GSTCD: variants seen among roughly 807,000 people sequenced by gnomAD.
The protein encoded by GSTCD is glutathione S-transferase C-terminal domain containing.
Under a neutral mutation model 68.3 loss-of-function variants are expected in GSTCD, and 44 were observed. That is an observed-to-expected ratio of 0.64 (90% CI 0.51 to 0.83). The LOEUF is 0.83. GSTCD is among the 40% of genes least tolerant of loss of function. The pLI is 0.00. For synonymous variants in GSTCD, 273 were observed against 255.2 expected (o/e 1.07, Z -0.67); for missense variants, 739 against 735.9 (o/e 1.00, Z -0.05).
chr4:105,797,855 A>G (rs1349199825), intron 5 of GSTCD, among the ~76,000 whole-genome samples: 1 of 144,212 alleles, frequency 6.9e-6, no homozygotes, highest in Non-Finnish European at 1.5e-5. Flanking sequence ...GCTCACTGCA[A>G]CCTCCGCCTG....
At chr4:105,803,212 A>T (rs1736174699) in intron 5 of GSTCD, among the ~76,000 whole-genome samples, 1 of 152,032 alleles carries the variant, frequency 6.6e-6, no homozygotes, top group Non-Finnish European at 1.5e-5. Flanking sequence ...AAAAGCTCCC[A>T]TTTGGTTTTT....
intron 5 of GSTCD, among the ~76,000 whole-genome samples, chr4:105,820,838 T>A (rs1035612717): frequency 1.3e-5 from 2 of 150,386 alleles, no homozygotes; most frequent in African/African-American, 4.9e-5. Context: ...CAGCATTTGC[T>A]TTTGAAACAG....
intron 5 of GSTCD, among the ~76,000 whole-genome samples, chr4:105,803,545 G>T (rs949375925): frequency 2.0e-5 from 3 of 151,850 alleles, no homozygotes; most frequent in Non-Finnish European, 4.4e-5. Flanking sequence ...TTTAAAGAAG[G>T]CTAGGAAACA....
At chr4:105,787,652 T>C (rs1405479760) in intron 5 of GSTCD, among the ~76,000 whole-genome samples, 2 of 151,972 alleles carry the variant, frequency 1.3e-5, no homozygotes, top group African/African-American at 2.4e-5. Flanking sequence ...TCTCAGAGTC[T>C]GAGAATAAAT....
At chr4:105,742,381 T>C (rs1733658116) in intron 5 of GSTCD, among the ~76,000 whole-genome samples, 1 of 152,228 alleles carries the variant, frequency 6.6e-6, no homozygotes, top group African/African-American at 2.4e-5. Context: ...ATTATACTTG[T>C]CTTTTAAGGA....
At position 105,845,710 on chromosome 4, in the gene GSTCD, A is replaced by T. The variant is rs1724522286; in HGVS notation, c.*133A>T. On this transcript the variant is annotated 3_prime_UTR_variant, in exon 12 of 12. Coordinates refer to ENST00000515279, the MANE Select transcript of GSTCD (RefSeq NM_001370181.1). The stretch of plus-strand genomic sequence containing the variant: ...CCTATTGTGCTCAGGAAGGAAAGCA[A>T]CAGGGAAATCTTGGAAGTAAAGGCT... 1.1e-6 allele frequency: 1 copy of T among 894,528 alleles called. No homozygotes were observed. The highest frequency in any genetic ancestry group is 1.7e-5 in the African/African-American group (1 of 60,032). 55.4% of individuals were successfully genotyped at this position (894,528 alleles called of 1,614,324 possible). A position where few individuals can be genotyped will look rare whatever the true frequency, so the allele number is the denominator to read the frequency against.
intron 5 of GSTCD, among the ~76,000 whole-genome samples, chr4:105,747,733 TA>T (rs1733853248): frequency 6.6e-6 from 1 of 152,130 alleles, no homozygotes. Flanking sequence ...ATAATGTAAA[TA>T]AAAATAATGG....
chr4:105,764,481 T>G (rs754236442), intron 5 of GSTCD, among the ~76,000 whole-genome samples: 1 of 152,170 alleles, frequency 6.6e-6, no homozygotes, highest in Non-Finnish European at 1.5e-5. Flanking sequence ...GAAATTAAGT[T>G]TTTCACATTT....
At chr4:105,841,832 C>T (rs1198705894) in intron 10 of GSTCD, among the ~76,000 whole-genome samples, 2 of 152,046 alleles carry the variant, frequency 1.3e-5, no homozygotes, top group Non-Finnish European at 1.5e-5. Context: ...GCCTGGGCGA[C>T]GGCGAGACTG....
chr4:105,722,412 C>G (rs1350409634), intron 3 of GSTCD, among the ~76,000 whole-genome samples: 1 of 151,982 alleles, frequency 6.6e-6, no homozygotes, highest in Non-Finnish European at 1.5e-5. Flanking sequence ...AGCTTTAACT[C>G]ACTAGTTCTA....
intron 5 of GSTCD, among the ~76,000 whole-genome samples, chr4:105,795,227 C>T (rs1735836897): frequency 6.6e-6 from 1 of 151,948 alleles, no homozygotes; most frequent in Admixed American, 6.6e-5. Flanking sequence ...GTTTATTTTT[C>T]CATGCTTCTT....
At chr4:105,810,044 A>G (rs1204929614) in intron 5 of GSTCD, among the ~76,000 whole-genome samples, 2 of 152,046 alleles carry the variant, frequency 1.3e-5, no homozygotes, top group African/African-American at 4.8e-5. Flanking sequence ...TCATTCATTT[A>G]TGAATTTTAA....
intron 5 of GSTCD, among the ~76,000 whole-genome samples, chr4:105,742,296 A>G (rs1234638021): frequency 2.6e-5 from 4 of 152,098 alleles, no homozygotes; most frequent in Non-Finnish European, 4.4e-5. Context: ...TACAACCTAT[A>G]TTTACTATTT....
At chr4:105,714,110 A>G (rs1732615982) in intron 1 of GSTCD, among the ~76,000 whole-genome samples, 1 of 151,926 alleles carries the variant, frequency 6.6e-6, no homozygotes, top group Non-Finnish European at 1.5e-5. Flanking sequence ...ATTCCTGAGT[A>G]ATGAAATCAA....
intron 5 of GSTCD, among the ~76,000 whole-genome samples, chr4:105,732,700 C>T (rs941171480): frequency 1.3e-5 from 2 of 152,140 alleles, no homozygotes; most frequent in Non-Finnish European, 2.9e-5. Flanking sequence ...TTCAGTTCTG[C>T]TCTGATCTCA....
At chr4:105,791,714 G>T (rs1274624973) in intron 5 of GSTCD, among the ~76,000 whole-genome samples, 1 of 151,976 alleles carries the variant, frequency 6.6e-6, no homozygotes, top group Non-Finnish European at 1.5e-5. Flanking sequence ...TTCACTACTG[G>T]ATTCCCAGAA....
intron 5 of GSTCD, among the ~76,000 whole-genome samples, chr4:105,763,018 A>G (rs1734472048): frequency 6.6e-6 from 1 of 152,218 alleles, no homozygotes; most frequent in Non-Finnish European, 1.5e-5. Context: ...CATTTACCTA[A>G]TAAACAAGAC....
intron 3 of GSTCD, 51 bp downstream of exon 3, chr4:105,719,578 A>G (rs1476601734): frequency 2.2e-6 from 3 of 1,346,470 alleles, no homozygotes; most frequent in South Asian, 1.2e-5. Flanking sequence ...AGTCTATGAA[A>G]TTGCCTAGGT....
intron 5 of GSTCD, among the ~76,000 whole-genome samples, chr4:105,754,604 A>G (rs954094457): frequency 1.3e-5 from 2 of 152,238 alleles, no homozygotes; most frequent in African/African-American, 4.8e-5. Context: ...AATATTTTCT[A>G]AAACTAGGGC....
Sources: allele counts gnomAD v4.1 joint callset (sites outside exome capture counted in the v4.1 genomes callset), GRCh38; gene constraint gnomAD v4.1.1; transcripts MANE v1.5; gene names NCBI Gene and HGNC (gene_info 2026-07-23, HGNC 2026-07-21).